The following KCNH8 variants were observed in gnomAD, a reference collection of about 807,000 sequenced individuals.
KCNH8 encodes voltage-gated delayed rectifier potassium channel KCNH8.
A neutral mutation model predicts 103.6 loss-of-function variants in KCNH8; 70 were observed. The ratio of observed to expected loss-of-function variants is 0.68; its 90% confidence interval spans 0.56 to 0.82. The LOEUF is 0.82. KCNH8 is among the 40% of genes least tolerant of loss of function. KCNH8 has a pLI of 0.00. For missense variants in KCNH8, 1,217 were observed against 1,329.9 expected (o/e 0.92, Z 1.32); for synonymous variants, 498 against 489.4 (o/e 1.02, Z -0.23).
At chr3:19,229,663 G>A (rs2063970916) in intron 1 of KCNH8, among the ~76,000 whole-genome samples, 2 of 152,288 alleles carry the variant, frequency 1.3e-5, no homozygotes, top group African/African-American at 4.8e-5. Flanking sequence ...GACATGCCCT[G>A]GAGACATTTT....
At chr3:19,253,172 A>G (rs1316335393) in intron 1 of KCNH8, among the ~76,000 whole-genome samples, 2 of 151,980 alleles carry the variant, frequency 1.3e-5, no homozygotes, top group African/African-American at 4.8e-5. Flanking sequence ...CCCTATCTCA[A>G]TTTACTACTT....
chr3:19,249,185 T>C (rs2064245021), intron 1 of KCNH8, among the ~76,000 whole-genome samples: 1 of 152,226 alleles, frequency 6.6e-6, no homozygotes, highest in Non-Finnish European at 1.5e-5. Context: ...TTCGTAAGTA[T>C]TATGGCAGTG....
chr3:19,502,283 A>T (rs1306631703), intron 11 of KCNH8, among the ~76,000 whole-genome samples: 8 of 151,524 alleles, frequency 5.3e-5, no homozygotes. Context: ...GGATACAAAC[A>T]AATGGAAGAA....
At position 19,308,713 on chromosome 3, in the gene KCNH8, T is replaced by C. The variant is rs371176096; in HGVS notation, c.442+27384T>C. Among the ~76,000 whole-genome samples the C allele has an allele frequency of 1.9e-3, 66 of 34,892 alleles. 5 individuals are homozygous for C. Among genetic ancestry groups the C allele is most frequent in the African/African-American group, 8.7e-3 (44 of 5,068 alleles). The allele number at this position is 34,892 out of a possible 152,430, so 22.9% of individuals were successfully genotyped here. A position where few individuals can be genotyped will look rare whatever the true frequency, so the allele number is the denominator to read the frequency against. ...CTCTCTCTCTCTCTCTCTCTCTCTCTCTCTCCCCCTCTCTCCCTCTCTCCC... is the reference window on the plus strand; with the variant it reads ...CTCTCTCTCTCTCTCTCTCTCTCTCCCTCTCCCCCTCTCTCCCTCTCTCCC... On this transcript the variant is annotated intron_variant, in intron 3 of 15. Coordinates refer to ENST00000328405, the MANE Select transcript of KCNH8 (RefSeq NM_144633.3).
chr3:19,198,402 G>T (rs1023664696), intron 1 of KCNH8, among the ~76,000 whole-genome samples: 1 of 152,040 alleles, frequency 6.6e-6, no homozygotes, highest in Non-Finnish European at 1.5e-5. Context: ...ACATTGCAGT[G>T]CAAGACAACC....
intron 1 of KCNH8, among the ~76,000 whole-genome samples, chr3:19,222,531 T>C (rs932227243): frequency 5.9e-5 from 9 of 152,192 alleles, no homozygotes; most frequent in African/African-American, 1.9e-4. Flanking sequence ...ATAATTTTGT[T>C]TGGCATTTCC....
At chr3:19,310,506 A>G (rs1486937506) in intron 3 of KCNH8, among the ~76,000 whole-genome samples, 1 of 151,872 alleles carries the variant, frequency 6.6e-6, no homozygotes, top group Admixed American at 6.6e-5. Flanking sequence ...ATGGATTTTC[A>G]TAACTTGAGA....
chr3:19,202,191 C>T (rs964727812), intron 1 of KCNH8, among the ~76,000 whole-genome samples: 1 of 152,128 alleles, frequency 6.6e-6, no homozygotes, highest in Non-Finnish European at 1.5e-5. Flanking sequence ...TAGGCCGGTC[C>T]TGGCTTATGC....
intron 2 of KCNH8, among the ~76,000 whole-genome samples, chr3:19,275,683 G>C (rs1446564458): frequency 6.6e-6 from 1 of 152,170 alleles, no homozygotes; most frequent in African/African-American, 2.4e-5. Flanking sequence ...CGATGCTGTA[G>C]AGACTTATTT....
intron 7 of KCNH8, among the ~76,000 whole-genome samples, chr3:19,428,956 A>G (rs1196011107): frequency 1.3e-5 from 2 of 151,974 alleles, no homozygotes; most frequent in South Asian, 2.1e-4. Flanking sequence ...TTATTTTTCA[A>G]AATGACTGTG....
At chr3:19,397,538 C>CAT (rs1553589301) in intron 7 of KCNH8, among the ~76,000 whole-genome samples, 15 of 149,064 alleles carry the variant, frequency 1.0e-4, no homozygotes, top group Non-Finnish European at 1.5e-4. Context: ...TATATACACA[C>CAT]ATATATATAT....
At chr3:19,159,858 G>T (rs1159497787) in intron 1 of KCNH8, among the ~76,000 whole-genome samples, 1 of 151,918 alleles carries the variant, frequency 6.6e-6, no homozygotes, top group Non-Finnish European at 1.5e-5. Context: ...AGAGCCTGAG[G>T]TTACCAGCCC....
At chr3:19,185,501 A>G (rs1046336398) in intron 1 of KCNH8, among the ~76,000 whole-genome samples, 3 of 152,026 alleles carry the variant, frequency 2.0e-5, no homozygotes, top group African/African-American at 7.2e-5. Context: ...GAGAGTTCTA[A>G]TATGGATGAG....
At chr3:19,485,089 C>T (rs1207782453) in intron 11 of KCNH8, among the ~76,000 whole-genome samples, 1 of 152,178 alleles carries the variant, frequency 6.6e-6, no homozygotes, top group East Asian at 1.9e-4. Flanking sequence ...CGGTAGGCGG[C>T]ATGTAGCTTC....
chr3:19,373,788 C>G (rs1013429659), intron 5 of KCNH8, among the ~76,000 whole-genome samples: 6 of 151,802 alleles, frequency 4.0e-5, no homozygotes, highest in African/African-American at 1.5e-4. Context: ...GAATGCGTCC[C>G]AGAGATTCTG....
At chr3:19,450,685 T>A (rs1328134056) in intron 9 of KCNH8, 5 of 293,558 alleles carry the variant, frequency 1.7e-5, no homozygotes, top group Non-Finnish European at 2.6e-5. Context: ...AAAGGGGTTA[T>A]CTTTATACTT....
intron 6 of KCNH8, among the ~76,000 whole-genome samples, chr3:19,390,968 C>A (rs1575005727): frequency 1.3e-5 from 2 of 152,150 alleles, no homozygotes; most frequent in East Asian, 3.9e-4. Context: ...ATTACCTAGG[C>A]AGATACATGT....
chr3:19,485,198 A>T (rs2068180000), intron 11 of KCNH8, among the ~76,000 whole-genome samples: 1 of 152,078 alleles, frequency 6.6e-6, no homozygotes, highest in Non-Finnish European at 1.5e-5. Flanking sequence ...TAGGAATAAG[A>T]TCTCAGAGAA....
chr3:19,482,680 AC>A (rs2068112381), intron 11 of KCNH8, among the ~76,000 whole-genome samples: 2 of 152,202 alleles, frequency 1.3e-5, no homozygotes, highest in Non-Finnish European at 2.9e-5. Flanking sequence ...TCCATGCCAC[AC>A]TTGCACAGGC....
Sources: gnomAD v4.1 joint callset for allele counts (sites outside exome capture counted in the v4.1 genomes callset) on GRCh38, gnomAD v4.1.1 for gene constraint, MANE v1.5 for transcripts, NCBI Gene and HGNC (gene_info 2026-07-23, HGNC 2026-07-21) for gene names.